PDXK: variants seen among roughly 807,000 people sequenced by gnomAD.
PDXK encodes the protein pyridoxal kinase.
A neutral mutation model predicts 43.2 loss-of-function variants in PDXK; 15 were observed. That is an observed-to-expected ratio of 0.35 (90% CI 0.23 to 0.53). The LOEUF (loss-of-function observed/expected upper bound fraction) is 0.53, where lower values mean the gene tolerates loss of function less well. Among genes scored for constraint, PDXK ranks in the 20% least tolerant of loss-of-function variants. The pLI is 0.92. For missense variants in PDXK, 343 were observed against 417.0 expected (o/e 0.82, Z 1.54); for synonymous variants, 172 against 165.4 (o/e 1.04, Z -0.31).
At chr21:43,742,703 C>A (rs781551590) in intron 3 of PDXK, among the ~76,000 whole-genome samples, 1 of 152,024 alleles carries the variant, frequency 6.6e-6, no homozygotes, top group Non-Finnish European at 1.5e-5. Flanking sequence ...ATAGTGAGAC[C>A]TTGTCTCTAC....
rs980678731 is a variant in PDXK, at chr21:43,737,687, G to A, written c.142+3564G>A. On this transcript the variant is annotated intron_variant, in intron 2 of 10. Coordinates refer to ENST00000291565, the MANE Select transcript of PDXK (RefSeq NM_003681.5). This position sits in a 1 kb window ranked among gnomAD's most constrained non-coding sequence, Gnocchi z 4.8. Reference sequence around the variant, plus strand: ...AGGCCAGGGCCAGGAGCCTGCCGACGGACACCAGCGAGGGGCCAGGCCGGG... The same window carrying A: ...AGGCCAGGGCCAGGAGCCTGCCGACAGACACCAGCGAGGGGCCAGGCCGGG... 217 of 729,536 alleles carry A rather than the reference G, an allele frequency of 3.0e-4. No individual in the cohort carries two copies. In the African/African-American group the frequency reaches 3.2e-3, roughly 11 times the overall value. The allele number at this position is 729,536 out of a possible 1,614,324, so 45.2% of individuals were successfully genotyped here.
intron 5 of PDXK, 67 bp downstream of exon 5, chr21:43,746,192 C>A: frequency 8.0e-7 from 1 of 1,251,764 alleles, no homozygotes; most frequent in Non-Finnish European, 1.2e-6. Flanking sequence ...AGCCAGAAGA[C>A]AGGCCCACAT....
chr21:43,746,206 T>G (rs1359115135), intron 5 of PDXK, 81 bp downstream of exon 5: 2 of 1,116,402 alleles, frequency 1.8e-6, no homozygotes, highest in Non-Finnish European at 2.8e-6. Flanking sequence ...CCCACATCTC[T>G]AAGTGTCTAA....
At chr21:43,742,558 C>G (rs546479445) in intron 3 of PDXK, among the ~76,000 whole-genome samples, 1 of 152,198 alleles carries the variant, frequency 6.6e-6, no homozygotes, top group Non-Finnish European at 1.5e-5. Flanking sequence ...TGAGCCACTG[C>G]GCCCAGCCTC....
At position 43,737,077 on chromosome 21, in the gene PDXK, T is replaced by A. The variant is rs1180069107; in HGVS notation, c.142+2954T>A. 3 of 790,210 alleles carry A rather than the reference T, an allele frequency of 3.8e-6. No individual in the cohort carries two copies. The East Asian group carries it at 8.0e-5, about 21-fold the overall frequency. 48.9% of individuals were successfully genotyped at this position (790,210 alleles called of 1,614,324 possible). On this transcript the variant is annotated intron_variant, in intron 2 of 10. Transcript: ENST00000291565. The surrounding 1 kb of genome is among the most constrained non-coding windows in gnomAD (Gnocchi z 4.8). The stretch of plus-strand genomic sequence containing the variant: ...CCTCCCGAGTGGCTGGGACTATAGT[T>A]GTGCACCAGCACGCCCACCTCCTGC...
At chr21:43,744,259 G>A (rs889097394) in intron 4 of PDXK, among the ~76,000 whole-genome samples, 5 of 152,154 alleles carry the variant, frequency 3.3e-5, no homozygotes, top group East Asian at 1.9e-4. Flanking sequence ...GGCTGGGCCC[G>A]CTAGGGAGTG....
intron 1 of PDXK, chr21:43,729,019 G>A (rs1055586118): frequency 8.1e-6 from 8 of 985,450 alleles, no homozygotes; most frequent in African/African-American, 3.5e-5. Context: ...AGGTGGGGGA[G>A]CCCCAATACG....
chr21:43,719,746 G>T (rs753118082), intron 1 of PDXK: 2 of 985,460 alleles, frequency 2.0e-6, no homozygotes, highest in Non-Finnish European at 2.4e-6. Flanking sequence ...AGGAAATGTC[G>T]CAGAGCCCCG....
chr21:43,756,115 TC>T lies in PDXK; in HGVS notation c.*55del, dbSNP rs1159077413. ...CAGCGCGTTGGTGTCTCCGTGTTTGTCCCTGTGAAAACATGTAACGTCTGCC... is the reference window on the plus strand; with the variant it reads ...CAGCGCGTTGGTGTCTCCGTGTTTGTCCTGTGAAAACATGTAACGTCTGCC... On this transcript the variant is annotated 3_prime_UTR_variant, in exon 11 of 11. Coordinates refer to ENST00000291565, the MANE Select transcript of PDXK (RefSeq NM_003681.5). The T allele has an allele frequency of 1.9e-6, 2 of 1,073,400 alleles. No individual in the cohort carries two copies. Among genetic ancestry groups the T allele is most frequent in the Admixed American group, 1.9e-5 (1 of 51,354 alleles). The allele number at this position is 1,073,400 out of a possible 1,614,324, so 66.5% of individuals were successfully genotyped here.
In PDXK at chr21:43,761,501, T is replaced by G. The variant is rs1051591562; in HGVS notation, c.*5438T>G. 6.4e-6 allele frequency: 1 copy of G among 156,056 alleles called. No homozygotes were observed. The highest frequency in any genetic ancestry group is 1.9e-4 in the East Asian group (1 of 5,334). 9.7% of individuals were successfully genotyped at this position (156,056 alleles called of 1,614,324 possible). On this transcript the variant is annotated 3_prime_UTR_variant, in exon 11 of 11. Transcript: ENST00000291565. ...CTGCTTGGGGATCCCCCACACGACC[T>G]GGGTACTGCCTGGGAAACCTGTCCT...
At chr21:43,741,903 G>A in intron 3 of PDXK, 132 bp downstream of exon 3, 1 of 668,618 alleles carries the variant, frequency 1.5e-6, no homozygotes, top group Non-Finnish European at 2.6e-6. Context: ...GCCTTGGCGT[G>A]CCCAAGCCAC....
chr21:43,753,491 C>A, intron 8 of PDXK, 92 bp from the exon 9 acceptor site: 1 of 1,389,918 alleles, frequency 7.2e-7, no homozygotes, highest in Non-Finnish European at 9.9e-7. Context: ...GTGACCCTCC[C>A]TGCCGCCGTG....
At chr21:43,725,221 G>T (rs1042176235) in intron 1 of PDXK, among the ~76,000 whole-genome samples, 5 of 152,134 alleles carry the variant, frequency 3.3e-5, no homozygotes, top group Admixed American at 1.3e-4. Context: ...TGCTTGGGAG[G>T]CTGAGGCAGG....
In PDXK at chr21:43,761,241, C is replaced by A. The variant is rs1244374539; in HGVS notation, c.*5178C>A. The A allele has an allele frequency of 6.6e-6, 1 of 152,180 alleles. No homozygotes were observed. Among genetic ancestry groups the A allele is most frequent in the Non-Finnish European group, 1.5e-5 (1 of 68,048 alleles). 9.4% of individuals were successfully genotyped at this position (152,180 alleles called of 1,614,324 possible). A position where few individuals can be genotyped will look rare whatever the true frequency, so the allele number is the denominator to read the frequency against. ...TTCAAGGCTGTGGTGGGAACAGCACCCCCAAATGCCAGCCTCTCCTTTCTT... is the reference window on the plus strand; with the variant it reads ...TTCAAGGCTGTGGTGGGAACAGCACACCCAAATGCCAGCCTCTCCTTTCTT... On this transcript the variant is annotated 3_prime_UTR_variant, in exon 11 of 11. Transcript: ENST00000291565.
Position 43,731,678 on chromosome 21 carries a change from C to T in PDXK, c.88-2391C>T, listed in dbSNP as rs531111008. ...GAGTGTTGTGGAGAGCCCAGCAGCCCGCTGGGCTGAACCTTGGACCAAGAA... is the reference window on the plus strand; with the variant it reads ...GAGTGTTGTGGAGAGCCCAGCAGCCTGCTGGGCTGAACCTTGGACCAAGAA... On this transcript the variant is annotated intron_variant, in intron 1 of 10. Coordinates refer to ENST00000291565, the MANE Select transcript of PDXK (RefSeq NM_003681.5). Among the ~76,000 whole-genome samples, 8 of 148,696 alleles carry T rather than the reference C, an allele frequency of 5.4e-5. No homozygotes were observed. The East Asian group carries it at 5.8e-4, about 11-fold the overall frequency.
intron 1 of PDXK, chr21:43,733,780 G>A: frequency 1.2e-6 from 1 of 827,596 alleles, no homozygotes; most frequent in Non-Finnish European, 1.8e-6. Flanking sequence ...AATGATGCGT[G>A]AAGTGCTTCC....
chr21:43,737,702 G>A lies in PDXK; in HGVS notation c.142+3579G>A. On this transcript the variant is annotated intron_variant, in intron 2 of 10. Coordinates refer to ENST00000291565, the MANE Select transcript of PDXK (RefSeq NM_003681.5). The surrounding 1 kb of genome is among the most constrained non-coding windows in gnomAD (Gnocchi z 4.8). ...GCCTGCCGACGGACACCAGCGAGGGGCCAGGCCGGGCCAGGAGCCTGCCGA... is the reference window on the plus strand; with the variant it reads ...GCCTGCCGACGGACACCAGCGAGGGACCAGGCCGGGCCAGGAGCCTGCCGA... 1 of 730,024 alleles carries A rather than the reference G, an allele frequency of 1.4e-6. No individual in the cohort carries two copies. The highest frequency in any genetic ancestry group is 1.7e-6 in the Non-Finnish European group (1 of 599,882). 45.2% of individuals were successfully genotyped at this position (730,024 alleles called of 1,614,324 possible). A position where few individuals can be genotyped will look rare whatever the true frequency, so the allele number is the denominator to read the frequency against.
At chr21:43,725,814 C>CA (rs113379217) in intron 1 of PDXK, among the ~76,000 whole-genome samples, 1,715 of 145,910 alleles carry the variant, frequency 0.012, 29 homozygotes, top group African/African-American at 0.039. Flanking sequence ...AGGCTCAAAA[C>CA]AAAAAAAAAA....
chr21:43,746,178 G>T (rs374716655), intron 5 of PDXK, 53 bp downstream of exon 5: 1 of 1,435,182 alleles, frequency 7.0e-7, no homozygotes, highest in Non-Finnish European at 9.8e-7. Context: ...AGCTATTCCT[G>T]TCCAGCCAGA....
Sources: gnomAD v4.1 joint callset for allele counts (sites outside exome capture counted in the v4.1 genomes callset) on GRCh38, gnomAD v4.1.1 for gene constraint, Gnocchi (gnomAD v3.1) non-coding constraint, MANE v1.5 for transcripts, NCBI Gene and HGNC (gene_info 2026-07-23, HGNC 2026-07-21) for gene names.